TAF3: variants seen among roughly 807,000 people sequenced by gnomAD.
The protein encoded by TAF3 is transcription initiation factor TFIID subunit 3.
Under a neutral mutation model 80.6 loss-of-function variants are expected in TAF3, and 7 were observed. The ratio of observed to expected loss-of-function variants is 0.09; its 90% CI spans 0.05 to 0.16. The LOEUF (loss-of-function observed/expected upper bound fraction) is 0.16, where lower values mean the gene tolerates loss of function less well. Ranked by LOEUF, TAF3 falls within the 10% of genes least tolerant of loss-of-function variation. The pLI is 1.00. For missense variants in TAF3, 921 were observed against 1,140.2 expected (o/e 0.81, Z 2.77); for synonymous variants, 444 against 446.1 (o/e 1.00, Z 0.06).
In TAF3 at chr10:7,866,474, A is replaced by G. The variant is rs1189709542; in HGVS notation, c.409+41914A>G. On this transcript the variant is annotated intron_variant, in intron 2 of 6. Transcript: ENST00000344293. ...TGAGAGCCAGTCATCGTGACCAGCA[A>G]AGAAGAGTGTGCTAGACAGAGAAGA... Among the ~76,000 whole-genome samples the G allele has an allele frequency of 9.1e-4, 138 of 152,204 alleles. 1 individual carries two copies. Among genetic ancestry groups the G allele is most frequent in the Non-Finnish European group, 1.5e-4 (10 of 68,038 alleles).
At chr10:7,929,668 A>T (rs1358680104) in intron 2 of TAF3, among the ~76,000 whole-genome samples, 1 of 152,132 alleles carries the variant, frequency 6.6e-6, no homozygotes, top group African/African-American at 2.4e-5. Context: ...CTGGCCCTAT[A>T]TATTTTTTAA....
chr10:7,946,224 C>T (rs1345608711), intron 2 of TAF3, among the ~76,000 whole-genome samples: 3 of 152,230 alleles, frequency 2.0e-5, no homozygotes, highest in Non-Finnish European at 4.4e-5. Context: ...ATGAAGCTCT[C>T]TTGACCTACC....
intron 2 of TAF3, among the ~76,000 whole-genome samples, chr10:7,863,931 ATATTTT>A (rs1837183139): frequency 6.6e-6 from 1 of 151,980 alleles, no homozygotes; most frequent in Admixed American, 6.6e-5. Flanking sequence ...AATAGACTTA[ATATTTT>A]TAAGAACAGT....
chr10:7,898,545 CAAAAA>C (rs35137273), intron 2 of TAF3, among the ~76,000 whole-genome samples: 2 of 96,204 alleles, frequency 2.1e-5, no homozygotes, highest in African/African-American at 8.9e-5. Flanking sequence ...GACTCTGTCT[CAAAAA>C]AAAAAAAAAA....
At chr10:7,888,503 T>A (rs1237940065) in intron 2 of TAF3, among the ~76,000 whole-genome samples, 2 of 130,170 alleles carry the variant, frequency 1.5e-5, no homozygotes, top group Non-Finnish European at 3.6e-5. Context: ...AGGCATGAGA[T>A]CTTCTAAAGA....
intron 2 of TAF3, among the ~76,000 whole-genome samples, chr10:7,825,102 A>G (rs1237447532): frequency 6.6e-6 from 1 of 152,188 alleles, no homozygotes; most frequent in Non-Finnish European, 1.5e-5. Context: ...TGGTCAGTCC[A>G]ATTGCAGAGT....
chr10:7,911,911 C>T (rs1349201295), intron 2 of TAF3, among the ~76,000 whole-genome samples: 1 of 152,116 alleles, frequency 6.6e-6, no homozygotes, highest in African/African-American at 2.4e-5. Flanking sequence ...TCGTTCGCTT[C>T]ATTTTTCTGG....
intron 2 of TAF3, among the ~76,000 whole-genome samples, chr10:7,855,486 T>G (rs1409407048): frequency 6.6e-6 from 1 of 152,204 alleles, no homozygotes; most frequent in Non-Finnish European, 1.5e-5. Context: ...CAGCCATTTC[T>G]TCATCCTTTG....
chr10:7,918,666 G>A (rs980702723), intron 2 of TAF3, among the ~76,000 whole-genome samples: 11 of 152,136 alleles, frequency 7.2e-5, no homozygotes, highest in South Asian at 2.1e-4. Context: ...TGGGACCTCC[G>A]ACCCAGGCAC....
chr10:7,851,764 C>G (rs1013837060), intron 2 of TAF3, among the ~76,000 whole-genome samples: 3 of 151,958 alleles, frequency 2.0e-5, no homozygotes, highest in African/African-American at 7.3e-5. Context: ...ATTATCACAC[C>G]CTTAAAATTA....
intron 2 of TAF3, among the ~76,000 whole-genome samples, chr10:7,846,047 C>T (rs1836967961): frequency 6.6e-6 from 1 of 151,392 alleles, no homozygotes; most frequent in Admixed American, 6.6e-5. Flanking sequence ...CAAGCTCCGC[C>T]TCCTGGGTTC....
chr10:8,015,530 ATATT>A lies in TAF3; in HGVS notation c.*783_*786del, dbSNP rs1832095620. The stretch of plus-strand genomic sequence containing the variant: ...AGATTGCCCCTAATGTAAATAATAA[ATATT>A]TATGAAGTAGTTATTTTTTAAATTT... On this transcript the variant is annotated 3_prime_UTR_variant, in exon 7 of 7. Transcript: ENST00000344293. 6.6e-6 allele frequency: 1 copy of A among 152,136 alleles called. No individual in the cohort carries two copies. Among genetic ancestry groups the A allele is most frequent in the African/African-American group, 2.4e-5 (1 of 41,424 alleles). 9.4% of individuals were successfully genotyped at this position (152,136 alleles called of 1,614,324 possible). A position where few individuals can be genotyped will look rare whatever the true frequency, so the allele number is the denominator to read the frequency against.
chr10:7,863,969 A>G (rs1314434257), intron 2 of TAF3, among the ~76,000 whole-genome samples: 1 of 152,022 alleles, frequency 6.6e-6, no homozygotes, highest in Admixed American at 6.5e-5. Flanking sequence ...AGCAAAATTG[A>G]GCAGAAAGTA....
intron 2 of TAF3, among the ~76,000 whole-genome samples, chr10:7,928,746 C>G (rs1345606013): frequency 6.6e-6 from 1 of 152,128 alleles, no homozygotes; most frequent in Non-Finnish European, 1.5e-5. Flanking sequence ...GGGGCCCTTT[C>G]TCTTATCAAG....
chr10:7,983,381 CAGTTTTGCATTTTTATAAA>C (rs1207306701), intron 4 of TAF3, among the ~76,000 whole-genome samples: 1 of 152,164 alleles, frequency 6.6e-6, no homozygotes, highest in Non-Finnish European at 1.5e-5. Context: ...AAAAGGCTGT[CAGTTTTGCATTTTTATAAA>C]AGTGTCCTGG....
At chr10:7,833,734 C>G in intron 2 of TAF3, 1 of 231,648 alleles carries the variant, frequency 4.3e-6, no homozygotes, top group Non-Finnish European at 9.1e-6. Context: ...TTCTTCTCCT[C>G]AGTGGTGACT....
In TAF3 at chr10:7,824,519, A is replaced by G; in HGVS notation, c.368A>G (p.Tyr123Cys). The G allele has an allele frequency of 6.2e-7, 1 of 1,614,190 alleles. No homozygotes were observed. The highest frequency in any genetic ancestry group is 8.5e-7 in the Non-Finnish European group (1 of 1,180,024). ...AAAGATGCAGAGGAAAGAAAAGAATACATTCCTGATTACCTGCCACCCATT... is the reference window on the plus strand; with the variant it reads ...AAAGATGCAGAGGAAAGAAAAGAATGCATTCCTGATTACCTGCCACCCATT... The part of the protein sequence containing the change: ...GSKDAEERKE[Y>C]IPDYLPPIVS... Residue 123 changes from tyrosine to cysteine, a missense_variant, in exon 2 of 7, where the codon TAC (tyrosine) becomes TGC (cysteine). Coordinates refer to ENST00000344293, the MANE Select transcript of TAF3 (RefSeq NM_031923.4).
intron 2 of TAF3, chr10:7,834,043 T>G (rs1836827154): frequency 5.5e-6 from 1 of 181,008 alleles, no homozygotes; most frequent in African/African-American, 2.4e-5. Flanking sequence ...TTTTGCCTTT[T>G]TTTTTGGTGG....
At chr10:8,011,699 T>C (rs547178787) in intron 5 of TAF3, among the ~76,000 whole-genome samples, 1 of 152,304 alleles carries the variant, frequency 6.6e-6, no homozygotes, top group South Asian at 2.1e-4. Flanking sequence ...CCCAAATGGG[T>C]TGATCAGGAA....
Sources: gnomAD v4.1 joint callset for allele counts (sites outside exome capture counted in the v4.1 genomes callset) on GRCh38, gnomAD v4.1.1 for gene constraint, MANE v1.5 for transcripts, NCBI Gene and HGNC (gene_info 2026-07-23, HGNC 2026-07-21) for gene names.